The following PALS2 variants were observed in gnomAD, a reference collection of about 807,000 sequenced individuals.
PALS2 encodes the protein protein associated with LIN7 2, MAGUK p55 family member.
A neutral mutation model predicts 61.6 loss-of-function variants in PALS2; 27 were observed. The observed-to-expected ratio is 0.44, with a 90% CI of 0.32 to 0.60. The LOEUF is 0.60. Among genes scored for constraint, PALS2 ranks in the 20% least tolerant of loss-of-function variants. The pLI, the probability that PALS2 is intolerant of heterozygous loss-of-function variation, is 0.05. For synonymous variants in PALS2, 236 were observed against 218.6 expected, an observed-to-expected ratio of 1.08 and a Z score of -0.70; for missense variants, 554 against 639.4, an observed-to-expected ratio of 0.87 and a Z score of 1.44.
At chr7:24,607,006 T>C (rs1001088955) in intron 1 of PALS2, among the ~76,000 whole-genome samples, 2 of 152,150 alleles carry the variant, frequency 1.3e-5, no homozygotes, top group Non-Finnish European at 2.9e-5. Flanking sequence ...TGAGGTCAGG[T>C]GTGGAATTTT....
At chr7:24,628,126 C>T (rs1784830699) in intron 2 of PALS2, among the ~76,000 whole-genome samples, 1 of 152,186 alleles carries the variant, frequency 6.6e-6, no homozygotes, top group Non-Finnish European at 1.5e-5. Context: ...CAATAAAATA[C>T]TGGCAAACCG....
intron 3 of PALS2, among the ~76,000 whole-genome samples, chr7:24,649,189 G>A (rs1193892323): frequency 2.6e-5 from 4 of 151,890 alleles, no homozygotes; most frequent in Non-Finnish European, 5.9e-5. Context: ...TACTAACATA[G>A]CAATGTTAGG....
chr7:24,634,555 G>T (rs141729135), intron 2 of PALS2, among the ~76,000 whole-genome samples: 3 of 152,092 alleles, frequency 2.0e-5, no homozygotes, highest in African/African-American at 7.2e-5. Flanking sequence ...TTAATTTGAT[G>T]AAGTCCAAGT....
chr7:24,580,372 T>G (rs1782794461), intron 1 of PALS2, among the ~76,000 whole-genome samples: 2 of 152,130 alleles, frequency 1.3e-5, no homozygotes, highest in Non-Finnish European at 2.9e-5. Flanking sequence ...GAGTGTAAAA[T>G]AATACATCCT....
intron 1 of PALS2, among the ~76,000 whole-genome samples, chr7:24,582,557 CTG>C (rs1235545078): frequency 2.6e-5 from 4 of 151,778 alleles, no homozygotes; most frequent in Non-Finnish European, 5.9e-5. Flanking sequence ...TTTTCATTAA[CTG>C]TAATAAATAT....
At chr7:24,575,936 G>A (rs932396680) in intron 1 of PALS2, among the ~76,000 whole-genome samples, 4 of 152,068 alleles carry the variant, frequency 2.6e-5, no homozygotes, top group African/African-American at 9.7e-5. Context: ...TCCTTCCAGA[G>A]TGATTCACTT....
At chr7:24,654,536 C>T (rs1786318159) in intron 5 of PALS2, among the ~76,000 whole-genome samples, 2 of 152,100 alleles carry the variant, frequency 1.3e-5, no homozygotes, top group Non-Finnish European at 2.9e-5. Flanking sequence ...GAGAATGTCA[C>T]ATTTATGTCT....
At chr7:24,685,117 C>T (rs999267785) in intron 11 of PALS2, among the ~76,000 whole-genome samples, 2 of 152,044 alleles carry the variant, frequency 1.3e-5, no homozygotes, top group African/African-American at 4.8e-5. Flanking sequence ...TCCTCGTGCT[C>T]CCACCCTGAC....
At chr7:24,672,865 T>G (rs377627002) in intron 9 of PALS2, among the ~76,000 whole-genome samples, 1 of 152,334 alleles carries the variant, frequency 6.6e-6, no homozygotes, top group South Asian at 2.1e-4. Flanking sequence ...TTTTACTTGT[T>G]TCTTTCCAAT....
chr7:24,585,525 C>T (rs949145647), intron 1 of PALS2, among the ~76,000 whole-genome samples: 2 of 152,070 alleles, frequency 1.3e-5, no homozygotes, highest in Non-Finnish European at 2.9e-5. Context: ...TTATTTAACT[C>T]GCTCAGCTTG....
intron 1 of PALS2, among the ~76,000 whole-genome samples, chr7:24,601,038 A>G (rs968907344): frequency 1.3e-5 from 2 of 152,148 alleles, no homozygotes; most frequent in Non-Finnish European, 2.9e-5. Context: ...AGGCTACTAC[A>G]TCGAACATTT....
intron 8 of PALS2, among the ~76,000 whole-genome samples, chr7:24,667,369 A>C (rs1037652900): frequency 6.6e-6 from 1 of 152,156 alleles, no homozygotes; most frequent in Non-Finnish European, 1.5e-5. Context: ...GTTGTCAGTA[A>C]ATGTCAGTAT....
intron 9 of PALS2, among the ~76,000 whole-genome samples, chr7:24,673,820 C>T (rs1026293122): frequency 6.6e-6 from 1 of 151,778 alleles, no homozygotes; most frequent in African/African-American, 2.4e-5. Flanking sequence ...TCTACTTGTA[C>T]TTTGGGTTTA....
intron 1 of PALS2, among the ~76,000 whole-genome samples, chr7:24,585,018 C>A (rs1209891888): frequency 6.6e-6 from 1 of 151,686 alleles, no homozygotes; most frequent in Non-Finnish European, 1.5e-5. Context: ...TTCCATTGAT[C>A]TATATCTCTG....
chr7:24,577,353 T>G (rs1030174049), intron 1 of PALS2, among the ~76,000 whole-genome samples: 8 of 151,870 alleles, frequency 5.3e-5, no homozygotes, highest in Non-Finnish European at 8.8e-5. Context: ...ACTTTAGGAT[T>G]GTGTTAAGTA....
chr7:24,680,447 C>T lies in PALS2; in HGVS notation c.1373C>T (p.Ala458Val), dbSNP rs1345899967. 6.2e-7 allele frequency: 1 copy of T among 1,613,852 alleles called. No individual in the cohort carries two copies. The highest frequency in any genetic ancestry group is 8.5e-7 in the Non-Finnish European group (1 of 1,179,760). The stretch of plus-strand genomic sequence containing the variant: ...ATGCCCTATGTGGTATTTATTGCGG[C>T]TCCGGAGCTAGAGACGTTACGTGCC... The part of the protein sequence containing the change: ...EFMPYVVFIA[A>V]PELETLRAMH... Residue 458 changes from alanine (A) to valine (V), a missense_variant, in exon 11 of 12, where the codon GCT becomes GTT. Coordinates refer to ENST00000222644, the MANE Select transcript of PALS2 (RefSeq NM_001303037.2).
At chr7:24,682,187 A>C (rs1356069368) in intron 11 of PALS2, among the ~76,000 whole-genome samples, 60 of 152,266 alleles carry the variant, frequency 3.9e-4, no homozygotes, top group African/African-American at 1.3e-3. Flanking sequence ...CAAATAAGGC[A>C]AGACCCATTT....
intron 5 of PALS2, among the ~76,000 whole-genome samples, chr7:24,662,768 GAAAAAAAAAAAAAAA>G (rs59367702): frequency 0.56 from 58,020 of 103,276 alleles, 15,154 homozygotes; most frequent in African/African-American, 0.76. Flanking sequence ...GACTCCATCT[GAAAAAAAAAAAAAAA>G]AAAAAAAAAA....
chr7:24,662,376 A>G (rs6943306), intron 5 of PALS2, among the ~76,000 whole-genome samples: 75,325 of 152,136 alleles, frequency 0.5, 22,070 homozygotes, highest in African/African-American at 0.81. Context: ...CTAATTGTGT[A>G]CTTTCTTATT....
Sources: gnomAD v4.1 joint callset for allele counts (sites outside exome capture counted in the v4.1 genomes callset) on GRCh38, gnomAD v4.1.1 for gene constraint, MANE v1.5 for transcripts, NCBI Gene and HGNC (gene_info 2026-07-23, HGNC 2026-07-21) for gene names.